Variants in RAD17 observed in about 807,000 individuals in gnomAD.
The protein encoded by RAD17 is cell cycle checkpoint protein RAD17.
RAD17 carries 31 observed loss-of-function variants against 81.5 expected under a neutral mutation model. The ratio of observed to expected loss-of-function variants is 0.38; its 90% CI spans 0.29 to 0.51. The LOEUF (loss-of-function observed/expected upper bound fraction) is 0.51. Ranked by LOEUF, RAD17 falls within the 20% of genes least tolerant of loss-of-function variation. RAD17 has a pLI of 0.88. For synonymous variants in RAD17, 261 were observed against 266.2 expected (o/e 0.98, Z 0.19); for missense variants, 681 against 781.2 (o/e 0.87, Z 1.53).
In RAD17 at chr5:69,393,336, A is replaced by G. The variant is rs763656799; in HGVS notation, c.1276-18A>G. ...TTGCATTTTTACCAAATTTATGTAT[A>G]TATGCTTCTTTTTATAGGAGGTAGT... On this transcript the variant is annotated intron_variant, in intron 14 of 18. Coordinates refer to ENST00000354868, the MANE Select transcript of RAD17 (RefSeq NM_133338.3). 1 of 1,583,872 alleles carries G rather than the reference A, an allele frequency of 6.3e-7. No homozygotes were observed. Among genetic ancestry groups the G allele is most frequent in the Non-Finnish European group, 8.6e-7 (1 of 1,161,806 alleles).
chr5:69,393,409 A>G lies in RAD17; in HGVS notation c.1331A>G (p.Gln444Arg). 1 of 1,604,330 alleles carries G rather than the reference A, an allele frequency of 6.2e-7. No homozygotes were observed. The highest frequency in any genetic ancestry group is 8.5e-7 in the Non-Finnish European group (1 of 1,174,306). ...GACTTATTTAATTTATATCTTCACCAAAACTACATAGATTTCTTCATGGAA... is the reference window on the plus strand; with the variant it reads ...GACTTATTTAATTTATATCTTCACCGAAACTACATAGATTTCTTCATGGAA... ...PGDLFNLYLH[Q>R]NYIDFFMEID... The change falls in exon 15 of 19, where the codon CAA becomes CGA. Residue 444 changes from glutamine (Q) to arginine (R), a missense_variant. Gln to Arg is a conservative substitution (Grantham distance 43, BLOSUM62 1). Coordinates refer to ENST00000354868, the MANE Select transcript of RAD17 (RefSeq NM_133338.3).
intron 6 of RAD17, among the ~76,000 whole-genome samples, chr5:69,377,441 A>ATATATATATATATATATG (rs1412181295): frequency 0.017 from 131 of 7,766 alleles, 2 homozygotes; most frequent in Middle Eastern, 0.25. Context: ...GTGTGTGTGT[A>ATATATATATATATATATG]TATATATATA....
At chr5:69,382,509 A>G (rs1464099315) in intron 7 of RAD17, among the ~76,000 whole-genome samples, 1 of 152,222 alleles carries the variant, frequency 6.6e-6, no homozygotes, top group East Asian at 1.9e-4. Context: ...ATGGAAGACA[A>G]TGGAATTTTT....
rs550222595 is a variant in RAD17 at position 69,407,562 on chromosome 5, GTTTTTTTTTTTT to G, written c.1694-2911_1694-2900del. ...CTTCTATATGTCAATCTATGTCCAA[GTTTTTTTTTTTT>G]TTTTTTTTTTTTTTTTTTTGGAGAC... On this transcript the variant is annotated intron_variant, in intron 17 of 18. Transcript: ENST00000354868. Among the ~76,000 whole-genome samples the G allele has an allele frequency of 2.9e-4, 12 of 40,922 alleles. 1 individual carries two copies. Among genetic ancestry groups the G allele is most frequent in the Non-Finnish European group, 4.5e-4 (11 of 24,382 alleles). 26.8% of individuals were successfully genotyped at this position (40,922 alleles called of 152,430 possible).
intron 18 of RAD17, among the ~76,000 whole-genome samples, chr5:69,411,747 A>G (rs1449166192): frequency 6.6e-6 from 1 of 152,204 alleles, no homozygotes; most frequent in Non-Finnish European, 1.5e-5. Context: ...ATCCCTCTGA[A>G]TGAAAGCAGG....
Position 69,391,841 on chromosome 5 carries a change from C to T in RAD17, c.1017C>T (p.Asn339=), listed in dbSNP as rs773942492. 3.2e-6 allele frequency: 5 copies of T among 1,543,748 alleles called. No individual in the cohort carries two copies. The highest frequency in any genetic ancestry group is 1.4e-5 in the African/African-American group (1 of 70,610). ...LQFSSSKGEN[N]LRPRKKGMSL... is the part of the protein sequence containing the mutation. The stretch of plus-strand genomic sequence containing the variant: ...ATGTATATTATTCAGGAGAAAACAA[C>T]TTACGGCCAAGGAAAAAAGGAATGT... Residue 339 remains asparagine, a synonymous_variant, in exon 13 of 19, where the codon AAC becomes AAT. Coordinates refer to ENST00000354868, the MANE Select transcript of RAD17 (RefSeq NM_133338.3).
intron 17 of RAD17, among the ~76,000 whole-genome samples, chr5:69,408,039 A>G (rs1420948466): frequency 1.3e-5 from 2 of 152,170 alleles, no homozygotes; most frequent in Admixed American, 1.3e-4. Context: ...TACTTTGAGC[A>G]TGATTTCCTT....
At chr5:69,403,758 A>G (rs1765419692) in intron 17 of RAD17, among the ~76,000 whole-genome samples, 1 of 152,086 alleles carries the variant, frequency 6.6e-6, no homozygotes, top group African/African-American at 2.4e-5. Context: ...TGTCTCTACA[A>G]AAAAATTTAA....
At chr5:69,400,272 C>A in intron 17 of RAD17, 103 bp downstream of exon 17, 1 of 797,104 alleles carries the variant, frequency 1.3e-6, no homozygotes. Flanking sequence ...GGCTGGATTG[C>A]GGTGGCACGA....
chr5:69,412,862 G>A (rs777234573), intron 18 of RAD17, among the ~76,000 whole-genome samples: 11 of 151,236 alleles, frequency 7.3e-5, no homozygotes, highest in Non-Finnish European at 1.6e-4. Context: ...GGTGGTGCCC[G>A]CGTGTAATCC....
rs1428914299 is a variant in RAD17 at position 69,387,663 on chromosome 5, G to A, written c.894+1198G>A. 3.3e-5 allele frequency among the ~76,000 whole-genome samples: 5 copies of A among 152,272 alleles called. No individual in the cohort carries two copies. In the East Asian group the frequency reaches 9.6e-4, roughly 29 times the overall value. ...ACCTGAGGTCAGGAGTTCATGACCAGCCTGGCCAACAGGTGAAACCCCATC... is the reference window on the plus strand; with the variant it reads ...ACCTGAGGTCAGGAGTTCATGACCAACCTGGCCAACAGGTGAAACCCCATC... On this transcript the variant is annotated intron_variant, in intron 11 of 18. Transcript: ENST00000354868.
At chr5:69,406,073 A>G (rs1449049107) in intron 17 of RAD17, among the ~76,000 whole-genome samples, 2 of 151,598 alleles carry the variant, frequency 1.3e-5, no homozygotes, top group African/African-American at 4.8e-5. Context: ...TGAAGTCAGT[A>G]TGTTGAAGAG....
chr5:69,371,972 A>G (rs1763036681), intron 3 of RAD17, 62 bp from the exon 4 acceptor site: 4 of 953,640 alleles, frequency 4.2e-6, no homozygotes, highest in African/African-American at 1.7e-5. Flanking sequence ...TGGTAGCTCT[A>G]AATTTTCTTT....
intron 17 of RAD17, among the ~76,000 whole-genome samples, chr5:69,407,876 T>A (rs1052488381): frequency 1.3e-5 from 2 of 152,254 alleles, no homozygotes; most frequent in African/African-American, 4.8e-5. Flanking sequence ...ATGATACTTC[T>A]GGTTCAAATC....
chr5:69,403,836 A>C (rs1484343882), intron 17 of RAD17, among the ~76,000 whole-genome samples: 2 of 152,068 alleles, frequency 1.3e-5, no homozygotes, highest in African/African-American at 4.8e-5. Flanking sequence ...TAAGGGGATC[A>C]CTTGAGCCCG....
Position 69,386,053 on chromosome 5 carries a change from A to G in RAD17, c.656A>G (p.Asn219Ser). The G allele has an allele frequency of 6.3e-7, 1 of 1,592,780 alleles. No individual in the cohort carries two copies. The highest frequency in any genetic ancestry group is 8.5e-7 in the Non-Finnish European group (1 of 1,171,264). Reference sequence around the variant, plus strand: ...TTTTATTTTCAATAGGATTTACCTAACCAGTTTTATCGGGATTCTCATACT... The same window carrying G: ...TTTTATTTTCAATAGGATTTACCTAGCCAGTTTTATCGGGATTCTCATACT... ...KKIILVEDLP[N>S]QFYRDSHTLH... The change falls in exon 9 of 19, where the codon AAC becomes AGC. Residue 219 changes from asparagine (N) to serine (S), a missense_variant. By Grantham distance (46) the Asn-to-Ser change is conservative. Transcript: ENST00000354868.
At chr5:69,369,380 C>T (rs917480036), upstream of RAD17, 16 of 1,523,144 alleles carry the variant, frequency 1.1e-5, no homozygotes, top group Middle Eastern at 2.3e-4. Flanking sequence ...CAGTGAGGGG[C>T]CCCCACCTGG....
At chr5:69,386,116 C>T (rs1464686757) in intron 9 of RAD17, 21 bp downstream of exon 9, 3 of 1,602,116 alleles carry the variant, frequency 1.9e-6, no homozygotes, top group African/African-American at 2.7e-5. Flanking sequence ...GTGAAGTATT[C>T]TAAAACTCCA....
At chr5:69,380,987 T>G (rs1018289371) in intron 6 of RAD17, among the ~76,000 whole-genome samples, 5 of 151,972 alleles carry the variant, frequency 3.3e-5, no homozygotes, top group Non-Finnish European at 7.4e-5. Flanking sequence ...TAGGCTGGTC[T>G]CAGACTCCTG....
Sources: gnomAD v4.1 joint callset for allele counts (sites outside exome capture counted in the v4.1 genomes callset) on GRCh38, gnomAD v4.1.1 for gene constraint, MANE v1.5 for transcripts, NCBI Gene and HGNC (gene_info 2026-07-23, HGNC 2026-07-21) for gene names.